IHO1: variants seen among roughly 807,000 people sequenced by gnomAD.
IHO1 encodes the protein interactor of HORMAD1 protein 1.
In IHO1, 13 loss-of-function variants were observed where a neutral mutation model predicts 31.0. The observed-to-expected ratio is 0.42, with a 90% CI of 0.27 to 0.67. IHO1 has a LOEUF of 0.67. IHO1 is among the 30% of genes least tolerant of loss of function. The pLI is 0.24. For missense variants in IHO1, 599 were observed against 687.5 expected, an observed-to-expected ratio of 0.87 and a Z score of 1.44; for synonymous variants, 221 against 248.4, an observed-to-expected ratio of 0.89 and a Z score of 1.04.
chr3:49,202,577 C>T (rs1479943161), intron 1 of IHO1, among the ~76,000 whole-genome samples: 8 of 149,704 alleles, frequency 5.3e-5, no homozygotes, highest in Admixed American at 2.0e-4. Flanking sequence ...GGGGTTTCAC[C>T]GTGTTAGCCA....
At chr3:49,220,748 G>A (rs1433645124) in intron 2 of IHO1, among the ~76,000 whole-genome samples, 3 of 152,118 alleles carry the variant, frequency 2.0e-5, no homozygotes, top group Non-Finnish European at 4.4e-5. Context: ...GGCACCTGTA[G>A]TTCCAGCTAC....
intron 2 of IHO1, among the ~76,000 whole-genome samples, chr3:49,235,401 G>T (rs1238402247): frequency 6.7e-6 from 1 of 149,710 alleles, no homozygotes; most frequent in Non-Finnish European, 1.5e-5. Context: ...TAATTTTTTT[G>T]TATTTTTTAG....
In IHO1 at chr3:49,218,945, C is replaced by T. The variant is rs533198923; in HGVS notation, c.56+7109C>T. Among the ~76,000 whole-genome samples, 5 of 152,218 alleles carry T rather than the reference C, an allele frequency of 3.3e-5. No individual in the cohort carries two copies. In the South Asian group the frequency reaches 1.0e-3, roughly 32 times the overall value. The stretch of plus-strand genomic sequence containing the variant: ...GGCTGAGTTGGGAGGATCACCTGAG[C>T]AGAGGTTGCAGTGAGATGGGATCAT... On this transcript the variant is annotated intron_variant, in intron 2 of 7. Coordinates refer to ENST00000452691, the MANE Select transcript of IHO1 (RefSeq NM_001135197.2).
chr3:49,245,209 C>CA (rs2046679421), intron 6 of IHO1: 1 of 184,234 alleles, frequency 5.4e-6, no homozygotes, highest in Non-Finnish European at 1.1e-5. Context: ...TTTTTTGAGA[C>CA]AGAGTCTCGC....
At chr3:49,221,685 A>G (rs1012137746) in intron 2 of IHO1, among the ~76,000 whole-genome samples, 1 of 152,200 alleles carries the variant, frequency 6.6e-6, no homozygotes, top group African/African-American at 2.4e-5. Flanking sequence ...TCCTTGGTAG[A>G]AGTTGTTAGT....
chr3:49,217,104 GA>G (rs1247448482), intron 2 of IHO1, among the ~76,000 whole-genome samples: 8 of 152,278 alleles, frequency 5.3e-5, no homozygotes, highest in African/African-American at 1.9e-4. Context: ...ATCTGGAATA[GA>G]AATACCATTT....
chr3:49,227,572 C>T (rs1392868529), intron 2 of IHO1, among the ~76,000 whole-genome samples: 2 of 152,052 alleles, frequency 1.3e-5, no homozygotes, highest in Admixed American at 1.3e-4. Context: ...TTCTCGAAAA[C>T]CTGCACCCTT....
At chr3:49,194,457 C>A (rs1371721549), upstream of IHO1, among the ~76,000 whole-genome samples, 2 of 146,378 alleles carry the variant, frequency 1.4e-5, no homozygotes, top group Non-Finnish European at 3.0e-5. Flanking sequence ...GTGCCCACCA[C>A]CCCGCCTGGC....
At chr3:49,201,036 C>T (rs527373220) in intron 1 of IHO1, among the ~76,000 whole-genome samples, 47 of 151,462 alleles carry the variant, frequency 3.1e-4, no homozygotes, top group African/African-American at 1.1e-3. Context: ...CTTTGTTGCC[C>T]AGGCTGGAGT....
Position 49,236,557 on chromosome 3 carries a change from G to C in IHO1, c.66G>C (p.Lys22Asn). 1 of 1,605,360 alleles carries C rather than the reference G, an allele frequency of 6.2e-7. No individual in the cohort carries two copies. Among genetic ancestry groups the C allele is most frequent in the African/African-American group, 1.3e-5 (1 of 74,676 alleles). ...TTTTGCTAAATTTCAGGAACAAGAA[G>C]TCATCCAACTGGAATAATAATCAAA... Reference protein sequence around the residue: ...LSIPSGSGNKKSSNWNNNQND... With the variant: ...LSIPSGSGNKNSSNWNNNQND... The change falls in exon 3 of 8, where the codon AAG (lysine) becomes AAC (asparagine). Residue 22 changes from lysine to asparagine, a missense_variant. Coordinates refer to ENST00000452691, the MANE Select transcript of IHO1 (RefSeq NM_001135197.2).
chr3:49,199,090 G>T (rs2046021192), upstream of IHO1: 1 of 152,478 alleles, frequency 6.6e-6, no homozygotes, highest in African/African-American at 2.4e-5. Context: ...ACACAGTGGA[G>T]TGTAGGTCGA....
chr3:49,201,003 G>GTT (rs10650561), intron 1 of IHO1, among the ~76,000 whole-genome samples: 33 of 149,772 alleles, frequency 2.2e-4, no homozygotes, highest in Admixed American at 2.7e-4. Context: ...ACAGTTTTTT[G>GTT]TTTTTTTTGA....
chr3:49,242,711 A>G (rs1021921704), intron 4 of IHO1, among the ~76,000 whole-genome samples: 1 of 152,096 alleles, frequency 6.6e-6, no homozygotes, highest in Non-Finnish European at 1.5e-5. Context: ...AGGCTGAGAC[A>G]GGAGAATCAC....
At chr3:49,207,955 G>A (rs2046160508) in intron 1 of IHO1, among the ~76,000 whole-genome samples, 1 of 151,926 alleles carries the variant, frequency 6.6e-6, no homozygotes, top group South Asian at 2.1e-4. Flanking sequence ...TGTATTTTTA[G>A]TAGAGACGGG....
chr3:49,221,973 C>T (rs184405102), intron 2 of IHO1, among the ~76,000 whole-genome samples: 1 of 152,338 alleles, frequency 6.6e-6, no homozygotes, highest in African/African-American at 2.4e-5. Context: ...AAACAGCACT[C>T]TTACCCTAAG....
upstream of IHO1, chr3:49,199,065 C>T (rs2046021048): frequency 6.6e-6 from 1 of 152,500 alleles, no homozygotes; most frequent in Admixed American, 6.5e-5. Context: ...ACCAGGGCCT[C>T]CTTGTTCTGG....
chr3:49,202,749 C>A (rs2046086080), intron 1 of IHO1, among the ~76,000 whole-genome samples: 2 of 151,844 alleles, frequency 1.3e-5, no homozygotes, highest in African/African-American at 4.8e-5. Context: ...AGTCTTGGCT[C>A]ACTGCAACCT....
chr3:49,239,004 G>A (rs899126471), intron 3 of IHO1, among the ~76,000 whole-genome samples: 1 of 152,102 alleles, frequency 6.6e-6, no homozygotes, highest in African/African-American at 2.4e-5. Context: ...GAGAAAACTT[G>A]TTTTTCTCTT....
intron 6 of IHO1, chr3:49,245,188 ATTT>A (rs146992633): frequency 5.0e-4 from 88 of 177,278 alleles, no homozygotes; most frequent in Middle Eastern, 2.3e-3. Flanking sequence ...ATCATTCTCA[ATTT>A]TTTTTTTTTT....
Sources: allele counts gnomAD v4.1 joint callset (sites outside exome capture counted in the v4.1 genomes callset), GRCh38; gene constraint gnomAD v4.1.1; transcripts MANE v1.5; gene names NCBI Gene and HGNC (gene_info 2026-07-23, HGNC 2026-07-21).